Variants in ZNF644 observed in about 807,000 individuals in gnomAD.
The protein encoded by ZNF644 is zinc finger protein 644, also known as zinc finger motif enhancer binding protein 2.
Under a neutral mutation model 108.0 loss-of-function variants are expected in ZNF644, and 20 were observed. The observed-to-expected ratio is 0.19, with a 90% CI of 0.13 to 0.27. The LOEUF is 0.27. Among genes scored for constraint, ZNF644 ranks in the 10% least tolerant of loss-of-function variants. The probability of loss-of-function intolerance (pLI) is 1.00; values close to 1 mark genes in which losing one functional copy is unlikely to be tolerated. For missense variants in ZNF644, 1,338 were observed against 1,548.9 expected (o/e 0.86, Z 2.29); for synonymous variants, 542 against 539.1 (o/e 1.01, Z -0.08).
At chr1:90,922,801 T>C (rs922515494) in intron 4 of ZNF644, among the ~76,000 whole-genome samples, 2 of 152,108 alleles carry the variant, frequency 1.3e-5, no homozygotes, top group African/African-American at 4.8e-5. Context: ...TGTGTTCTCG[T>C]TGTTTAGCCC....
chr1:90,963,957 T>C (rs191989764), intron 2 of ZNF644, among the ~76,000 whole-genome samples: 1 of 152,300 alleles, frequency 6.6e-6, no homozygotes, highest in East Asian at 1.9e-4. Context: ...GCACCATCTT[T>C]TATAGCTATA....
rs1648800441 is a variant in ZNF644, at chr1:90,916,672, T to C, written c.*126A>G. 3 of 996,066 alleles carry C rather than the reference T, an allele frequency of 3.0e-6. No individual in the cohort carries two copies. The highest frequency in any genetic ancestry group is 4.6e-6 in the Non-Finnish European group (3 of 648,548). The allele number at this position is 996,066 out of a possible 1,614,324, so 61.7% of individuals were successfully genotyped here. ...AGTATTCAATTTGCTCTGATGTCAC[T>C]GTAATTCACTTTCCCCCCATTTTCC... On this transcript the variant is annotated 3_prime_UTR_variant, in exon 6 of 6. Transcript: ENST00000337393.
chr1:90,983,954 T>C (rs552316240), intron 1 of ZNF644, among the ~76,000 whole-genome samples: 1 of 152,054 alleles, frequency 6.6e-6, no homozygotes, highest in South Asian at 2.1e-4. Flanking sequence ...GAAGAAGACA[T>C]GGCAGAGAGA....
intron 1 of ZNF644, among the ~76,000 whole-genome samples, chr1:91,002,207 G>C (rs938693987): frequency 4.6e-5 from 7 of 152,136 alleles, no homozygotes; most frequent in African/African-American, 1.4e-4. Flanking sequence ...CCAAAAAAGA[G>C]CCCGCATCGC....
intron 2 of ZNF644, among the ~76,000 whole-genome samples, chr1:90,959,440 T>G (rs1281662143): frequency 6.6e-6 from 1 of 152,174 alleles, no homozygotes; most frequent in East Asian, 1.9e-4. Flanking sequence ...ACAGAAAAAC[T>G]TGTACACATA....
At chr1:90,982,522 T>A (rs981601992) in intron 1 of ZNF644, among the ~76,000 whole-genome samples, 152 bp from the exon 2 acceptor site, 3 of 152,096 alleles carry the variant, frequency 2.0e-5, no homozygotes, top group Admixed American at 6.6e-5. Flanking sequence ...CAGAATACCA[T>A]CATTTTAATC....
intron 2 of ZNF644, among the ~76,000 whole-genome samples, chr1:90,947,924 T>C (rs975844598): frequency 6.6e-6 from 1 of 152,168 alleles, no homozygotes; most frequent in South Asian, 2.1e-4. Context: ...CAGTCTCTAC[T>C]GAATGCACAT....
chr1:90,918,596 T>G (rs927309936), intron 4 of ZNF644, among the ~76,000 whole-genome samples: 1 of 152,186 alleles, frequency 6.6e-6, no homozygotes, highest in Non-Finnish European at 1.5e-5. Flanking sequence ...TTGCATTTGA[T>G]TACTGCTCCA....
At chr1:90,965,784 TTGTTGCCCAGG>T in intron 2 of ZNF644, among the ~76,000 whole-genome samples, 2 of 152,118 alleles carry the variant, frequency 1.3e-5, no homozygotes, top group South Asian at 4.1e-4. Context: ...AGTTTCGCTC[TTGTTGCCCAGG>T]CTGGAACGCA....
Position 90,939,816 on chromosome 1 carries a change from T to C in ZNF644, c.1538A>G (p.Gln513Arg), listed in dbSNP as rs759517244. Residue 513 changes from glutamine (Q) to arginine (R), a missense_variant, in exon 3 of 6, where the codon CAA becomes CGA. Around this residue, in one of 6 missense-constraint regions of ZNF644, gnomAD observed 80 missense variants for 183.0 expected, o/e 0.44. Coordinates refer to ENST00000337393, the MANE Select transcript of ZNF644 (RefSeq NM_201269.3). ...ATCTTTTTCATGGGTTTTAGCATGT[T>C]GCACAAATGTTTTAGGGCAATTGGT... ...FGTNCPKTFV[Q>R]HAKTHEKDKR... 1 of 1,614,012 alleles carries C rather than the reference T, an allele frequency of 6.2e-7. No homozygotes were observed. Among genetic ancestry groups the C allele is most frequent in the Non-Finnish European group, 8.5e-7 (1 of 1,179,940 alleles).
intron 4 of ZNF644, among the ~76,000 whole-genome samples, chr1:90,921,836 A>C (rs1649476080): frequency 6.6e-6 from 1 of 152,120 alleles, no homozygotes; most frequent in African/African-American, 2.4e-5. Context: ...GTCCTCAAAA[A>C]GAACACCACA....
intron 2 of ZNF644, among the ~76,000 whole-genome samples, chr1:90,978,691 G>A (rs1343507022): frequency 1.3e-5 from 2 of 152,116 alleles, no homozygotes; most frequent in Non-Finnish European, 1.5e-5. Context: ...ACTCTGCAAC[G>A]GAGGTACAGC....
At chr1:91,005,094 A>C (rs1659284030) in intron 1 of ZNF644, among the ~76,000 whole-genome samples, 1 of 152,286 alleles carries the variant, frequency 6.6e-6, no homozygotes, top group East Asian at 1.9e-4. Context: ...CAAGAGACAC[A>C]CTTGAGATTA....
chr1:90,944,427 A>T (rs186438662), intron 2 of ZNF644, among the ~76,000 whole-genome samples: 113 of 152,348 alleles, frequency 7.4e-4, no homozygotes, highest in Non-Finnish European at 1.4e-3. Flanking sequence ...ATCCGATTAA[A>T]TATTGTTAAA....
At chr1:91,000,923 TAGAAAATCTAGA>T (rs1318470574) in intron 1 of ZNF644, among the ~76,000 whole-genome samples, 2 of 151,972 alleles carry the variant, frequency 1.3e-5, no homozygotes, top group Non-Finnish European at 2.9e-5. Context: ...GCAAACAAAC[TAGAAAATCTAGA>T]AGAAATGGAT....
rs765444631 is a variant in ZNF644, at chr1:90,918,163, G to T, written c.3689-9C>A. Reference sequence around the variant, plus strand: ...TTGCTTACAATCTAAGGCTAAAAAGGGGAAGAGAAAGACTTAACATTCCTT... The same window carrying T: ...TTGCTTACAATCTAAGGCTAAAAAGTGGAAGAGAAAGACTTAACATTCCTT... On this transcript the variant is annotated splice_polypyrimidine_tract_variant and intron_variant, in intron 4 of 5. Coordinates refer to ENST00000337393, the MANE Select transcript of ZNF644 (RefSeq NM_201269.3). 6.2e-7 allele frequency: 1 copy of T among 1,608,184 alleles called. No homozygotes were observed. The highest frequency in any genetic ancestry group is 1.1e-5 in the South Asian group (1 of 90,942).
intron 2 of ZNF644, among the ~76,000 whole-genome samples, chr1:90,970,775 G>A (rs758669034): frequency 2.4e-4 from 37 of 152,062 alleles, no homozygotes; most frequent in Non-Finnish European, 4.1e-4. Context: ...GCTGAGGAGG[G>A]CAGATCACAA....
chr1:90,997,888 C>G (rs940449605), intron 1 of ZNF644, among the ~76,000 whole-genome samples: 1 of 152,234 alleles, frequency 6.6e-6, no homozygotes, highest in Non-Finnish European at 1.5e-5. Context: ...AACGGCACAC[C>G]AGGAGATTAT....
intron 4 of ZNF644, among the ~76,000 whole-genome samples, chr1:90,932,431 T>G (rs1168673505): frequency 6.6e-6 from 1 of 152,214 alleles, no homozygotes; most frequent in East Asian, 1.9e-4. Flanking sequence ...CTTTACATTG[T>G]TCCAATTTTG....
Sources: allele counts gnomAD v4.1 joint callset (sites outside exome capture counted in the v4.1 genomes callset), GRCh38; gene constraint gnomAD v4.1.1; regional missense constraint gnomAD v4.1.1; transcripts MANE v1.5; gene names NCBI Gene and HGNC (gene_info 2026-07-23, HGNC 2026-07-21).